Variants in DNAH2 observed in about 807,000 individuals in gnomAD.
DNAH2 encodes axonemal beta dynein heavy chain 2.
In DNAH2, 323 loss-of-function variants were observed where a neutral mutation model predicts 523.5. The observed-to-expected ratio is 0.62, with a 90% confidence interval of 0.56 to 0.68. The LOEUF is 0.68. Ranked by LOEUF, DNAH2 falls within the 30% of genes least tolerant of loss-of-function variation. The pLI is 0.00. For synonymous variants in DNAH2, 2,093 were observed against 2,177.4 expected (o/e 0.96, Z 1.08); for missense variants, 4,907 against 5,701.5 (o/e 0.86, Z 4.49).
chr17:7,741,254 C>CT (rs1555540688), intron 11 of DNAH2, among the ~76,000 whole-genome samples: 1 of 38,198 alleles, frequency 2.6e-5, no homozygotes, highest in Admixed American at 2.8e-4. Flanking sequence ...TTCTTTCTTT[C>CT]TTTCTTTCTT....
At chr17:7,722,656 C>CTT (rs57420273) in intron 2 of DNAH2, among the ~76,000 whole-genome samples, 3 of 151,914 alleles carry the variant, frequency 2.0e-5, no homozygotes, top group Admixed American at 6.6e-5. Flanking sequence ...TCATGACTGG[C>CTT]TTTTTTCACT....
At chr17:7,747,529 A>G (rs1176916473) in intron 12 of DNAH2, among the ~76,000 whole-genome samples, 2 of 152,108 alleles carry the variant, frequency 1.3e-5, no homozygotes, top group African/African-American at 4.8e-5. Context: ...GTTTACTGAA[A>G]TTTGAACACA....
chr17:7,821,429 G>A lies in DNAH2; in HGVS notation c.11142+60G>A. ...TGGTCAAGGTTGGGGATGAGGGCAA[G>A]TGTGACAAGGACTCCAGACCCAGAG... On this transcript the variant is annotated intron_variant, in intron 73 of 85. Transcript: ENST00000572933. This position sits in a 1 kb window ranked among gnomAD's most constrained non-coding sequence, Gnocchi z 5.0. The A allele has an allele frequency of 1.3e-6, 2 of 1,561,642 alleles. No individual in the cohort carries two copies. Among genetic ancestry groups the A allele is most frequent in the Non-Finnish European group, 1.7e-6 (2 of 1,150,234 alleles).
At chr17:7,743,250 A>C in intron 12 of DNAH2, 108 bp downstream of exon 12, 7 of 1,185,010 alleles carry the variant, frequency 5.9e-6, no homozygotes, top group Non-Finnish European at 8.6e-6. Context: ...TCTCTTTCTC[A>C]TACAATATGT....
chr17:7,802,541 C>G (rs1408881471), intron 58 of DNAH2, among the ~76,000 whole-genome samples: 3 of 152,156 alleles, frequency 2.0e-5, no homozygotes, highest in Non-Finnish European at 4.4e-5. Flanking sequence ...TGAATCCTCT[C>G]TAGATGAGTT....
rs766933505 is a variant in DNAH2, at chr17:7,798,387, AAG to A, written c.8398+68_8398+69del. 2.8e-5 allele frequency: 44 copies of A among 1,555,688 alleles called. No individual in the cohort carries two copies. Among genetic ancestry groups the A allele is most frequent in the Non-Finnish European group, 3.7e-5 (42 of 1,149,066 alleles). ...CAGATGCATACATTCCTGCAGTGAC[AAG>A]AGAGGAGAGATGGCAGCCAGATGGG... On this transcript the variant is annotated intron_variant, in intron 54 of 85. Coordinates refer to ENST00000572933, the MANE Select transcript of DNAH2 (RefSeq NM_020877.5). The surrounding 1 kb of genome is among the most constrained non-coding windows in gnomAD (Gnocchi z 5.5).
In DNAH2 at chr17:7,797,830, G is replaced by GT; in HGVS notation, c.8230+2dup. 1 of 1,608,394 alleles carries GT rather than the reference G, an allele frequency of 6.2e-7. No homozygotes were observed. Among genetic ancestry groups the GT allele is most frequent in the Middle Eastern group, 1.7e-4 (1 of 5,760 alleles). ...CTCTTCCGAGAGGCTATTGAACACAGTGAGCACCTGCCACGCCTATCCCCT... is the reference window on the plus strand; with the variant it reads ...CTCTTCCGAGAGGCTATTGAACACAGTTGAGCACCTGCCACGCCTATCCCCT... On this transcript the variant is annotated splice_donor_variant, in intron 53 of 85. Transcript: ENST00000572933. LOFTEE classifies it high-confidence loss of function.
At chr17:7,741,785 C>T (rs2075361565) in intron 11 of DNAH2, among the ~76,000 whole-genome samples, 2 of 151,910 alleles carry the variant, frequency 1.3e-5, no homozygotes, top group African/African-American at 4.8e-5. Flanking sequence ...CTGCCTTAGC[C>T]TCTCAGGAGC....
intron 28 of DNAH2, among the ~76,000 whole-genome samples, chr17:7,772,752 TTTTG>T (rs150502949): frequency 0.35 from 52,814 of 150,922 alleles, 9,917 homozygotes; most frequent in African/African-American, 0.47. Context: ...CACATTGGTT[TTTTG>T]TTTGTTTGTT....
At chr17:7,749,342 A>AAAAAAAAAAAAAAAAAAAAAAAAAAT (rs2075617787) in intron 12 of DNAH2, among the ~76,000 whole-genome samples, 1 of 140,872 alleles carries the variant, frequency 7.1e-6, no homozygotes, top group Non-Finnish European at 1.5e-5. Flanking sequence ...AAAAAAAAAA[A>AAAAAAAAAAAAAAAAAAAAAAAAAAT]AAAAAAGAAA....
At position 7,787,868 on chromosome 17, in the gene DNAH2, C is replaced by G. The variant is rs773804080; in HGVS notation, c.6612C>G (p.Leu2204=). The change falls in exon 43 of 86, where the codon CTC becomes CTG. Residue 2204 remains leucine (L), a synonymous_variant. Transcript: ENST00000572933. ...ERIAMPEQVS[L]LFEVEDLAMA... ...CAAACGTATATCCTTAGGTGTCTCTCCTGTTTGAAGTGGAGGACCTGGCAA... is the reference window on the plus strand; with the variant it reads ...CAAACGTATATCCTTAGGTGTCTCTGCTGTTTGAAGTGGAGGACCTGGCAA... 3 of 1,613,592 alleles carry G rather than the reference C, an allele frequency of 1.9e-6. No individual in the cohort carries two copies. Among genetic ancestry groups the G allele is most frequent in the Non-Finnish European group, 2.5e-6 (3 of 1,179,722 alleles).
chr17:7,730,983 C>T (rs1210184767), intron 4 of DNAH2, among the ~76,000 whole-genome samples: 4 of 150,782 alleles, frequency 2.7e-5, no homozygotes, highest in Non-Finnish European at 4.4e-5. Flanking sequence ...CTGGGCGTGG[C>T]GGTGTGCACC....
intron 73 of DNAH2, among the ~76,000 whole-genome samples, chr17:7,822,501 C>A (rs1392168229): frequency 1.3e-5 from 2 of 152,134 alleles, no homozygotes; most frequent in Non-Finnish European, 2.9e-5. Context: ...CACCTCAATG[C>A]GACCTTGATC....
rs1360420498 is a variant in DNAH2, at chr17:7,777,138, A to AG, written c.5058+249_5058+250insG. Among the ~76,000 whole-genome samples, 3 of 151,852 alleles carry AG rather than the reference A, an allele frequency of 2.0e-5. No individual in the cohort carries two copies. In the East Asian group the frequency reaches 5.8e-4, roughly 29 times the overall value. ...AACAAGACTCTGTCTCAAAAAAAAA[A>AG]AAAAAGAAAGAAAAGAAAAGAAAAG... On this transcript the variant is annotated intron_variant, in intron 32 of 85. Transcript: ENST00000572933.
At position 7,819,373 on chromosome 17, in the gene DNAH2, C is replaced by T; in HGVS notation, c.10980C>T (p.Asp3660=). ...HRSNKLEDRI[D]YLNDYHTYAV... ...GCAATAAGCTGGAGGACCGCATTGA[C>T]TACCTGAATGACTACCACACCTACG... is the stretch of plus-strand genomic sequence containing the variant. The change falls in exon 72 of 86, where the codon GAC becomes GAT. Residue 3660 remains aspartate (D), a synonymous_variant. Transcript: ENST00000572933. 1 of 1,614,268 alleles carries T rather than the reference C, an allele frequency of 6.2e-7. No individual in the cohort carries two copies. The highest frequency in any genetic ancestry group is 8.5e-7 in the Non-Finnish European group (1 of 1,180,048).
At chr17:7,744,120 C>T (rs1370910184) in intron 12 of DNAH2, among the ~76,000 whole-genome samples, 1 of 151,868 alleles carries the variant, frequency 6.6e-6, no homozygotes, top group African/African-American at 2.4e-5. Flanking sequence ...ATGGCGAAAC[C>T]CTGTCTCTAC....
rs770970575 is a variant in DNAH2 at position 7,780,583 on chromosome 17, G to C, written c.5851-47G>C. On this transcript the variant is annotated intron_variant, in intron 37 of 85. Coordinates refer to ENST00000572933, the MANE Select transcript of DNAH2 (RefSeq NM_020877.5). This position sits in a 1 kb window ranked among gnomAD's most constrained non-coding sequence, Gnocchi z 4.4. ...TGACTGTCCTGAGATGAAGCAGAGG[G>C]ATTTGTGGGGAGATGGACTGTTTCC... The C allele has an allele frequency of 1.2e-6, 2 of 1,606,694 alleles. No homozygotes were observed. The highest frequency in any genetic ancestry group is 1.7e-6 in the Non-Finnish European group (2 of 1,176,048).
Position 7,786,520 on chromosome 17 carries a change from A to T in DNAH2, c.6349-50A>T. On this transcript the variant is annotated intron_variant, in intron 40 of 85. Transcript: ENST00000572933. The surrounding 1 kb of genome is among the most constrained non-coding windows in gnomAD (Gnocchi z 7.5). ...ACCTAAGAGGGGTCTGGAAATAAAG[A>T]GGGGTTTTTGTCCATCAGCAGCTAA... 1 of 1,553,342 alleles carries T rather than the reference A, an allele frequency of 6.4e-7. No homozygotes were observed. Among genetic ancestry groups the T allele is most frequent in the Non-Finnish European group, 8.9e-7 (1 of 1,128,504 alleles).
chr17:7,734,718 C>A lies in DNAH2; in HGVS notation c.978+10C>A. On this transcript the variant is annotated intron_variant, in intron 7 of 85. Transcript: ENST00000572933. The stretch of plus-strand genomic sequence containing the variant: ...GGCACAGCAGATCCAGGTTTGTGAG[C>A]GAATCAAAGGATTCAGGCTCAGCAA... 6.2e-7 allele frequency: 1 copy of A among 1,610,268 alleles called. No individual in the cohort carries two copies. The highest frequency in any genetic ancestry group is 8.5e-7 in the Non-Finnish European group (1 of 1,178,284).
Sources: allele counts gnomAD v4.1 joint callset (sites outside exome capture counted in the v4.1 genomes callset), GRCh38; gene constraint gnomAD v4.1.1; non-coding constraint Gnocchi (gnomAD v3.1); transcripts MANE v1.5; gene names NCBI Gene and HGNC (gene_info 2026-07-23, HGNC 2026-07-21).